The following TMEM214 variants were observed in gnomAD, a reference collection of about 807,000 sequenced individuals.
The protein encoded by TMEM214 is transmembrane protein 214.
Under a neutral mutation model 89.8 loss-of-function variants are expected in TMEM214, and 71 were observed. The ratio of observed to expected loss-of-function variants is 0.79; its 90% CI spans 0.65 to 0.96. The LOEUF (loss-of-function observed/expected upper bound fraction) is 0.96, where lower values mean the gene tolerates loss of function less well. TMEM214 is among the 40% of genes least tolerant of loss of function. TMEM214 has a pLI of 0.00. For synonymous variants in TMEM214, 332 were observed against 349.5 expected, an observed-to-expected ratio of 0.95 and a Z score of 0.56; for missense variants, 754 against 843.4, an observed-to-expected ratio of 0.89 and a Z score of 1.31.
chr2:27,039,266 G>A (rs1300051863), intron 13 of TMEM214, 102 bp downstream of exon 13: 6 of 990,692 alleles, frequency 6.1e-6, no homozygotes, highest in African/African-American at 1.6e-5. Flanking sequence ...TTGTCCTGAC[G>A]AGTTCTCAAT....
chr2:27,036,839 T>C, intron 7 of TMEM214, 53 bp downstream of exon 7: 11 of 1,583,556 alleles, frequency 6.9e-6, no homozygotes, highest in Non-Finnish European at 9.5e-6. Context: ...CAAGTGGCTG[T>C]TATAGCAAAA....
chr2:27,035,026 C>T (rs1667487782), intron 2 of TMEM214, 109 bp from the exon 3 acceptor site: 3 of 1,266,220 alleles, frequency 2.4e-6, no homozygotes, highest in South Asian at 2.8e-5. Context: ...AATGGAATCC[C>T]TTCTTCCTAC....
chr2:27,037,008 C>A, intron 7 of TMEM214, 69 bp from the exon 8 acceptor site: 1 of 1,415,440 alleles, frequency 7.1e-7, no homozygotes, highest in Non-Finnish European at 1.0e-6. Context: ...GTTGGCTTAG[C>A]TGGGGTCATG....
chr2:27,033,303 G>A (rs1558393918), intron 1 of TMEM214, 137 bp downstream of exon 1: 2 of 896,922 alleles, frequency 2.2e-6, no homozygotes, highest in South Asian at 5.9e-5. Flanking sequence ...GGAGCCTCAC[G>A]GGAGGCAGAC....
rs543417945 is a variant in TMEM214 at position 27,035,990 on chromosome 2, C to T, written c.658C>T (p.Arg220Cys). 1.2e-5 allele frequency: 19 copies of T among 1,614,070 alleles called. No individual in the cohort carries two copies. The highest frequency in any genetic ancestry group is 1.1e-4 in the South Asian group (10 of 91,080). ...TCCAGGGGAGTCACTACATGGTTAC[C>T]GCATCTGTATCCAGGCCATCCTGCA... is the stretch of plus-strand genomic sequence containing the variant. ...KTPGESLHGYRICIQAILQDK... is the reference protein window; with the variant it reads ...KTPGESLHGYCICIQAILQDK... The change falls in exon 5 of 17, where the codon CGC (arginine) becomes TGC (cysteine). Residue 220 changes from arginine (R) to cysteine (C), a missense_variant. Physicochemically the swap from Arg to Cys is radical, Grantham distance 180. Transcript: ENST00000238788.
At position 27,038,570 on chromosome 2, in the gene TMEM214, C is replaced by T; in HGVS notation, c.1293+38C>T. On this transcript the variant is annotated intron_variant, in intron 11 of 16. Coordinates refer to ENST00000238788, the MANE Select transcript of TMEM214 (RefSeq NM_017727.5). This position sits in a 1 kb window ranked among gnomAD's most constrained non-coding sequence, Gnocchi z 4.4. ...GAGGACGTGGCAGGTTGAGCCCTGTCTGGATTCTAGGTTCTGAGTGGGGGC... is the reference window on the plus strand; with the variant it reads ...GAGGACGTGGCAGGTTGAGCCCTGTTTGGATTCTAGGTTCTGAGTGGGGGC... 2.5e-6 allele frequency: 4 copies of T among 1,613,494 alleles called. No individual in the cohort carries two copies. Among genetic ancestry groups the T allele is most frequent in the Non-Finnish European group, 3.4e-6 (4 of 1,179,692 alleles).
At position 27,039,048 on chromosome 2, in the gene TMEM214, G is replaced by T; in HGVS notation, c.1409G>T (p.Gly470Val). 1 of 1,613,352 alleles carries T rather than the reference G, an allele frequency of 6.2e-7. No homozygotes were observed. Among genetic ancestry groups the T allele is most frequent in the Non-Finnish European group, 8.5e-7 (1 of 1,180,006 alleles). The change falls in exon 13 of 17, where the codon GGC becomes GTC. Residue 470 changes from glycine (G) to valine (V), a missense_variant and splice_region_variant. Transcript: ENST00000238788. ...DVVTCDMACK[G>V]LLQQVQGPRL... is the part of the protein sequence containing the mutation. ...TGTCTCCTGCTCCCCTCCCACCAGG[G>T]CCTGTTGCAGCAGGTTCAGGGTCCT...
chr2:27,037,012 G>A, intron 7 of TMEM214, 65 bp from the exon 8 acceptor site: 1 of 1,440,750 alleles, frequency 6.9e-7, no homozygotes, highest in Non-Finnish European at 9.8e-7. Context: ...GCTTAGCTGG[G>A]GTCATGGCCA....
In TMEM214 at chr2:27,038,128, C is replaced by T. The variant is rs1018501228; in HGVS notation, c.1153-18C>T. 1.9e-6 allele frequency: 3 copies of T among 1,614,064 alleles called. No homozygotes were observed. The highest frequency in any genetic ancestry group is 2.5e-6 in the Non-Finnish European group (3 of 1,180,038). On this transcript the variant is annotated intron_variant, in intron 9 of 16. Coordinates refer to ENST00000238788, the MANE Select transcript of TMEM214 (RefSeq NM_017727.5). This position sits in a 1 kb window ranked among gnomAD's most constrained non-coding sequence, Gnocchi z 4.4. The stretch of plus-strand genomic sequence containing the variant: ...GCCCCATGCCCCCAGCAGCCTCTCC[C>T]TCTGTCGTGCTGTGCAGCTCCTGAG...
intron 9 of TMEM214, chr2:27,037,928 A>G: frequency 5.8e-6 from 9 of 1,549,786 alleles, no homozygotes; most frequent in Non-Finnish European, 7.9e-6. Flanking sequence ...TCTTGCAGAT[A>G]GTGATCTTTG....
Position 27,040,203 on chromosome 2 carries a change from G to A in TMEM214, c.1791+5G>A, listed in dbSNP as rs1667771252. 1 of 1,605,292 alleles carries A rather than the reference G, an allele frequency of 6.2e-7. No homozygotes were observed. The highest frequency in any genetic ancestry group is 8.5e-7 in the Non-Finnish European group (1 of 1,179,782). On this transcript the variant is annotated splice_donor_5th_base_variant and intron_variant, in intron 15 of 16. Coordinates refer to ENST00000238788, the MANE Select transcript of TMEM214 (RefSeq NM_017727.5). ...CTCACCAGTCTCTCTCAGAGGGTAA[G>A]TCAGAGACAGGGAGTCAAATAAGGG... is the stretch of plus-strand genomic sequence containing the variant.
At position 27,036,495 on chromosome 2, in the gene TMEM214, A is replaced by G. The variant is rs1388541944; in HGVS notation, c.729A>G (p.Glu243=). The change falls in exon 6 of 17, where the codon GAA becomes GAG. Residue 243 remains glutamate (E), a synonymous_variant. Coordinates refer to ENST00000238788, the MANE Select transcript of TMEM214 (RefSeq NM_017727.5). ...IATANLGKFL[E]LLRSHQSRPA... ...CCCACCGGTCTCCTCAGTTCCTGGA[A>G]CTGCTGAGGTCCCACCAGAGCCGAC... 2 of 1,613,942 alleles carry G rather than the reference A, an allele frequency of 1.2e-6. No homozygotes were observed. The highest frequency in any genetic ancestry group is 2.7e-5 in the African/African-American group (2 of 75,012).
intron 6 of TMEM214, 29 bp downstream of exon 6, chr2:27,036,621 A>T (rs2148243141): frequency 6.2e-7 from 1 of 1,613,118 alleles, no homozygotes; most frequent in East Asian, 2.2e-5. Flanking sequence ...AGAAAGAGGG[A>T]GGGTCTCGGA....
Position 27,038,834 on chromosome 2 carries a change from C to T in TMEM214, c.1407+19C>T, listed in dbSNP as rs1163494614. 15 of 1,600,008 alleles carry T rather than the reference C, an allele frequency of 9.4e-6. No homozygotes were observed. The highest frequency in any genetic ancestry group is 4.4e-5 in the South Asian group (4 of 90,562). ...CTGCAAGGTGCTGGCACCCGGTCCT[C>T]TCCAGCCCACACGCTATCTTACATC... On this transcript the variant is annotated intron_variant, in intron 12 of 16. Coordinates refer to ENST00000238788, the MANE Select transcript of TMEM214 (RefSeq NM_017727.5). This position sits in a 1 kb window ranked among gnomAD's most constrained non-coding sequence, Gnocchi z 4.4.
intron 2 of TMEM214, 162 bp downstream of exon 2, chr2:27,034,428 A>C: frequency 1.3e-6 from 1 of 750,842 alleles, no homozygotes; most frequent in Non-Finnish European, 2.1e-6. Context: ...GGGGAACAGA[A>C]TGCCTGCACT....
At chr2:27,035,326 T>C in intron 3 of TMEM214, 41 bp downstream of exon 3, 2 of 1,611,858 alleles carry the variant, frequency 1.2e-6, no homozygotes, top group Non-Finnish European at 1.7e-6. Flanking sequence ...CAAGTTCAAA[T>C]AAATTCAAAA....
intron 9 of TMEM214, 158 bp from the exon 10 acceptor site, chr2:27,037,988 C>T (rs1443334311): frequency 2.6e-6 from 4 of 1,568,192 alleles, no homozygotes. Context: ...TACAGCCTCT[C>T]AGAGAGCTTT....
At chr2:27,034,471 A>G in intron 2 of TMEM214, 1 of 600,518 alleles carries the variant, frequency 1.7e-6, no homozygotes, top group Non-Finnish European at 2.9e-6. Context: ...ATTTATAGGG[A>G]AACATGGATT....
rs750056899 is a variant in TMEM214, at chr2:27,039,747, T to A, written c.1532T>A (p.Leu511His). 2.5e-6 allele frequency: 4 copies of A among 1,614,202 alleles called. No individual in the cohort carries two copies. The highest frequency in any genetic ancestry group is 3.4e-6 in the Non-Finnish European group (4 of 1,180,018). Residue 511 changes from leucine (L) to histidine (H), a missense_variant, in exon 14 of 17, where the codon CTT becomes CAT. Physicochemically the swap from Leu to His is moderately conservative, Grantham distance 99. Coordinates refer to ENST00000238788, the MANE Select transcript of TMEM214 (RefSeq NM_017727.5). ...AGAGGCCCCCTTTACTTAGCCTCCCTTACTGGCCGGTTGCTTCGATCATCT... is the reference window on the plus strand; with the variant it reads ...AGAGGCCCCCTTTACTTAGCCTCCCATACTGGCCGGTTGCTTCGATCATCT... ...LRSHSSFQAS[L>H]TGRLLRSSGF...
Sources: allele counts gnomAD v4.1 joint callset, GRCh38; gene constraint gnomAD v4.1.1; non-coding constraint Gnocchi (gnomAD v3.1); transcripts MANE v1.5; gene names NCBI Gene and HGNC (gene_info 2026-07-23, HGNC 2026-07-21).